The following BDH1 variants were observed in gnomAD, a reference collection of about 807,000 sequenced individuals.
BDH1 encodes the protein 3-hydroxybutyrate dehydrogenase 1.
A neutral mutation model predicts 33.1 loss-of-function variants in BDH1; 30 were observed. The ratio of observed to expected loss-of-function variants is 0.91; its 90% CI spans 0.68 to 1.23. The LOEUF is 1.23. BDH1 is among the 50% of genes most tolerant of loss of function. The pLI is 0.00. For synonymous variants in BDH1, 190 were observed against 183.6 expected (o/e 1.03, Z -0.28); for missense variants, 443 against 464.4 (o/e 0.95, Z 0.42).
rs1713985522 is a variant in BDH1, at chr3:197,525,343, T to C, written c.268-2562A>G. On this transcript the variant is annotated intron_variant, in intron 5 of 7. Transcript: ENST00000392379. This position sits in a 1 kb window ranked among gnomAD's most constrained non-coding sequence, Gnocchi z 4.9. ...GACATGCACAAGAGGTATCTAAATG[T>C]CCTTCCTCTTGGGACTTGGTTAACC... Among the ~76,000 whole-genome samples the C allele has an allele frequency of 6.6e-6, 1 of 152,180 alleles. No homozygotes were observed. The highest frequency in any genetic ancestry group is 6.5e-5 in the Admixed American group (1 of 15,284).
At chr3:197,559,149 G>A (rs986426233), upstream of BDH1, among the ~76,000 whole-genome samples, 8 of 151,946 alleles carry the variant, frequency 5.3e-5, no homozygotes, top group South Asian at 2.1e-4. Flanking sequence ...ACAGGTGCCC[G>A]CCACCACGCC....
At position 197,515,281 on chromosome 3, in the gene BDH1, T is replaced by G. The variant is rs1394815525; in HGVS notation, c.410-865A>C. 1.6e-5 allele frequency: 16 copies of G among 985,404 alleles called. No individual in the cohort carries two copies. The East Asian group carries it at 1.6e-3, about 98-fold the overall frequency. The allele number at this position is 985,404 out of a possible 1,614,324, so 61.0% of individuals were successfully genotyped here. On this transcript the variant is annotated intron_variant, in intron 6 of 7. Coordinates refer to ENST00000392379, the MANE Select transcript of BDH1 (RefSeq NM_203314.3). Reference sequence around the variant, plus strand: ...TTATTAGGGAAAGGAAATTGCTGGTTAACAGAGTGTCCATGAAGAGCTCAC... The same window carrying G: ...TTATTAGGGAAAGGAAATTGCTGGTGAACAGAGTGTCCATGAAGAGCTCAC...
intron 2 of BDH1, among the ~76,000 whole-genome samples, chr3:197,552,472 C>T (rs1716655975): frequency 6.6e-6 from 1 of 152,216 alleles, no homozygotes; most frequent in South Asian, 2.1e-4. Flanking sequence ...CTACAAGGCC[C>T]TCCATGTTCT....
chr3:197,538,615 G>A (rs1715349987), intron 3 of BDH1: 1 of 291,108 alleles, frequency 3.4e-6, no homozygotes, highest in Non-Finnish European at 6.8e-6. Context: ...GCCTCCCAAA[G>A]TACTGGGATC....
intron 1 of BDH1, among the ~76,000 whole-genome samples, chr3:197,571,044 T>A (rs550261099): frequency 1.4e-3 from 216 of 152,312 alleles, no homozygotes; most frequent in African/African-American, 5.0e-3. Flanking sequence ...ACCTCTTGCA[T>A]CAGCATGACC....
At chr3:197,562,399 G>A (rs2116296) in intron 1 of BDH1, among the ~76,000 whole-genome samples, 1,835 of 152,304 alleles carry the variant, frequency 0.012, 41 homozygotes, top group African/African-American at 0.042. Context: ...GAGAAACTGA[G>A]TTTTCTGAGC....
At chr3:197,572,380 A>G (rs1717637367) in intron 1 of BDH1, among the ~76,000 whole-genome samples, 1 of 152,218 alleles carries the variant, frequency 6.6e-6, no homozygotes, top group Non-Finnish European at 1.5e-5. Context: ...TCACTTACTT[A>G]TGTCTTTAGA....
chr3:197,512,348 G>A lies in BDH1; in HGVS notation c.579C>T (p.Ile193=). ...IRRAKGRVVN[I]SSMLGRMANP... ...TGGCCATGCGGCCCAGCATGCTGCT[G>A]ATATTGACGACGCGGCCTACAGAGG... is the stretch of plus-strand genomic sequence containing the variant. Residue 193 remains isoleucine, a synonymous_variant, in exon 8 of 8, where the codon ATC becomes ATT. Coordinates refer to ENST00000392379, the MANE Select transcript of BDH1 (RefSeq NM_203314.3). 6.2e-7 allele frequency: 1 copy of A among 1,606,546 alleles called. No individual in the cohort carries two copies. Among genetic ancestry groups the A allele is most frequent in the East Asian group, 2.2e-5 (1 of 44,842 alleles).
intron 5 of BDH1, among the ~76,000 whole-genome samples, chr3:197,532,204 T>C (rs1344147432): frequency 1.3e-5 from 2 of 152,072 alleles, no homozygotes; most frequent in Non-Finnish European, 2.9e-5. Flanking sequence ...TGACGAATGA[T>C]GGATAGATGA....
rs1712650107 is a variant in BDH1, at chr3:197,515,847, T to C, written c.410-1431A>G. On this transcript the variant is annotated intron_variant, in intron 6 of 7. Coordinates refer to ENST00000392379, the MANE Select transcript of BDH1 (RefSeq NM_203314.3). ...TGAACCCAGGAGGCAGAGGTTGCAA[T>C]GAGCCGGATCATGCCACGGCACTCC... 1.5e-5 allele frequency: 6 copies of C among 392,106 alleles called. No homozygotes were observed. In the South Asian group the frequency reaches 5.2e-4, roughly 34 times the overall value. 24.3% of individuals were successfully genotyped at this position (392,106 alleles called of 1,614,324 possible).
At chr3:197,544,235 G>C (rs115044848) in intron 3 of BDH1, among the ~76,000 whole-genome samples, 2 of 152,008 alleles carry the variant, frequency 1.3e-5, no homozygotes, top group African/African-American at 4.8e-5. Flanking sequence ...TTCACCCTAC[G>C]ACATTGACTC....
intron 1 of BDH1, among the ~76,000 whole-genome samples, chr3:197,563,335 GA>G (rs1327593740): frequency 6.6e-6 from 1 of 152,128 alleles, no homozygotes; most frequent in Non-Finnish European, 1.5e-5. Context: ...TAGCTGACAA[GA>G]AGAAAAAGAA....
Position 197,511,902 on chromosome 3 carries a change from A to C in BDH1, c.1025T>G (p.Ile342Ser). The C allele has an allele frequency of 1.9e-6, 3 of 1,560,480 alleles. No homozygotes were observed. Among genetic ancestry groups the C allele is most frequent in the Non-Finnish European group, 2.6e-6 (3 of 1,150,186 alleles). ...AGGCCACAGCGAGACTCTTCAGCGG[A>C]TGTAGATCATGTCGGAGATGGCTCC... ...LPGAISDMIY[I>S]R The change falls in exon 8 of 8, where the codon ATC (isoleucine) becomes AGC (serine). Residue 342 changes from isoleucine (I) to serine (S), a missense_variant. Coordinates refer to ENST00000392379, the MANE Select transcript of BDH1 (RefSeq NM_203314.3).
At chr3:197,534,957 G>C (rs1030866407) in intron 3 of BDH1, among the ~76,000 whole-genome samples, 2 of 152,188 alleles carry the variant, frequency 1.3e-5, no homozygotes, top group African/African-American at 2.4e-5. Context: ...CTGGAAGCTG[G>C]GGAGTTGAAG....
intron 3 of BDH1, among the ~76,000 whole-genome samples, chr3:197,542,628 A>T (rs1305221520): frequency 6.8e-6 from 1 of 146,756 alleles, no homozygotes; most frequent in Non-Finnish European, 1.5e-5. Context: ...GGTTCAAGCG[A>T]TTCTCCCGCC....
In BDH1 at chr3:197,528,075, A is replaced by G. The variant is rs1714277124; in HGVS notation, c.267+4337T>C. On this transcript the variant is annotated intron_variant, in intron 5 of 7. Coordinates refer to ENST00000392379, the MANE Select transcript of BDH1 (RefSeq NM_203314.3). This position sits in a 1 kb window ranked among gnomAD's most constrained non-coding sequence, Gnocchi z 5.1. The stretch of plus-strand genomic sequence containing the variant: ...CCGCAAGGGCAAGAACTTCTCACTG[A>G]GGTGTTATATGCTGTATCTCCAACA... 6.6e-6 allele frequency among the ~76,000 whole-genome samples: 1 copy of G among 152,162 alleles called. No individual in the cohort carries two copies. The highest frequency in any genetic ancestry group is 1.5e-5 in the Non-Finnish European group (1 of 68,030).
chr3:197,541,915 A>G (rs1715660978), intron 3 of BDH1, among the ~76,000 whole-genome samples: 1 of 152,330 alleles, frequency 6.6e-6, no homozygotes, highest in Admixed American at 6.5e-5. Context: ...GCTGTGACAG[A>G]CACTGCTCTT....
chr3:197,548,098 G>T (rs1035972331), intron 2 of BDH1, among the ~76,000 whole-genome samples: 2 of 152,256 alleles, frequency 1.3e-5, no homozygotes, highest in Admixed American at 6.5e-5. Flanking sequence ...AGTCCCTGGG[G>T]AGTGGATGGG....
At chr3:197,567,021 G>A (rs951887196) in intron 1 of BDH1, among the ~76,000 whole-genome samples, 9 of 152,008 alleles carry the variant, frequency 5.9e-5, no homozygotes, top group South Asian at 4.2e-4. Flanking sequence ...GGCCTATATC[G>A]ATTTTCCAGG....
Sources: allele counts gnomAD v4.1 joint callset (sites outside exome capture counted in the v4.1 genomes callset), GRCh38; gene constraint gnomAD v4.1.1; non-coding constraint Gnocchi (gnomAD v3.1); transcripts MANE v1.5; gene names NCBI Gene and HGNC (gene_info 2026-07-23, HGNC 2026-07-21).